DNAAF1: variants seen among roughly 807,000 people sequenced by gnomAD.
DNAAF1 encodes the protein dynein axonemal assembly factor 1, also known as dynein assembly factor 1, axonemal.
A neutral mutation model predicts 71.1 loss-of-function variants in DNAAF1; 65 were observed. The ratio of observed to expected loss-of-function variants is 0.91; its 90% CI spans 0.75 to 1.12. The LOEUF is 1.12. DNAAF1 is among the 50% of genes most tolerant of loss of function. The probability of loss-of-function intolerance (pLI) is 0.00; values close to 1 mark genes in which losing one functional copy is unlikely to be tolerated. For missense variants in DNAAF1, 1,178 were observed against 899.8 expected, an observed-to-expected ratio of 1.31 and a Z score of -3.96; for synonymous variants, 414 against 354.6, an observed-to-expected ratio of 1.17 and a Z score of -1.88.
At chr16:84,175,880 G>C (rs1010695150) in intron 10 of DNAAF1, 53 bp from the exon 11 acceptor site, 43 of 1,601,194 alleles carry the variant, frequency 2.7e-5, no homozygotes. Context: ...GCATTGTAGA[G>C]CGATTCTGTT....
intron 3 of DNAAF1, among the ~76,000 whole-genome samples, chr16:84,154,156 T>C (rs2151218993): frequency 6.6e-6 from 1 of 152,298 alleles, no homozygotes; most frequent in East Asian, 1.9e-4. Flanking sequence ...TGAGCTGCTG[T>C]AACAAGAAAC....
chr16:84,159,267 G>T (rs2087588299), intron 5 of DNAAF1: 4 of 1,109,550 alleles, frequency 3.6e-6, no homozygotes, highest in African/African-American at 3.3e-5. Flanking sequence ...CTGTCTAGCG[G>T]CTGTGTGCGT....
intron 6 of DNAAF1, among the ~76,000 whole-genome samples, chr16:84,163,138 C>G (rs1412434633): frequency 6.6e-6 from 1 of 152,086 alleles, no homozygotes; most frequent in African/African-American, 2.4e-5. Flanking sequence ...CACTTTTTGC[C>G]TGTTGTGAAT....
In DNAAF1 at chr16:84,166,744, A is replaced by C. The variant is rs543175201; in HGVS notation, c.1030+795A>C. 2.0e-5 allele frequency among the ~76,000 whole-genome samples: 3 copies of C among 152,312 alleles called. No homozygotes were observed. In the South Asian group the frequency reaches 6.2e-4, roughly 32 times the overall value. On this transcript the variant is annotated intron_variant, in intron 7 of 11. Transcript: ENST00000378553. Reference sequence around the variant, plus strand: ...CAGTTGGCCTCACCTACCTGCCAGCACCAGTGAGAACCTCAAACAGTGATG... The same window carrying C: ...CAGTTGGCCTCACCTACCTGCCAGCCCCAGTGAGAACCTCAAACAGTGATG...
At chr16:84,165,981 A>T in intron 7 of DNAAF1, 32 bp downstream of exon 7, 1 of 1,598,724 alleles carries the variant, frequency 6.3e-7, no homozygotes, top group Non-Finnish European at 8.5e-7. Context: ...ACAGCCCCAG[A>T]GTTCCTTTGA....
chr16:84,172,986 T>C lies in DNAAF1; in HGVS notation c.1644+611T>C, dbSNP rs2151274355. The C allele has an allele frequency of 6.0e-6, 6 of 996,280 alleles. No individual in the cohort carries two copies. In the South Asian group the frequency reaches 2.7e-4, roughly 44 times the overall value. 61.7% of individuals were successfully genotyped at this position (996,280 alleles called of 1,614,324 possible). On this transcript the variant is annotated intron_variant, in intron 9 of 11. Coordinates refer to ENST00000378553, the MANE Select transcript of DNAAF1 (RefSeq NM_178452.6). ...CCCACAAGAATGGTACCATGGGAAT[T>C]CACACATTGTCTCACAACCCCCCAA...
chr16:84,161,762 G>A (rs1055560125), intron 6 of DNAAF1, among the ~76,000 whole-genome samples: 1 of 151,804 alleles, frequency 6.6e-6, no homozygotes, highest in African/African-American at 2.4e-5. Context: ...CTGCTCATCT[G>A]TCGTTTTATT....
At chr16:84,157,876 G>A (rs564018432) in intron 5 of DNAAF1, among the ~76,000 whole-genome samples, 9 of 152,170 alleles carry the variant, frequency 5.9e-5, no homozygotes, top group African/African-American at 2.2e-4. Context: ...TTTTGGCTGG[G>A]GTTGCCATAA....
chr16:84,176,977 C>G (rs576033266), intron 11 of DNAAF1: 6 of 166,416 alleles, frequency 3.6e-5, no homozygotes, highest in Admixed American at 2.2e-4. Flanking sequence ...AACAAGCAAG[C>G]TGGGACTGTT....
chr16:84,145,626 C>A lies in DNAAF1; in HGVS notation c.124+62C>A, dbSNP rs1029220059. 120 of 1,525,746 alleles carry A rather than the reference C, an allele frequency of 7.9e-5. 1 individual carries two copies. Among genetic ancestry groups the A allele is most frequent in the Non-Finnish European group, 9.1e-5 (103 of 1,136,362 alleles). 94.5% of individuals were successfully genotyped at this position (1,525,746 alleles called of 1,614,324 possible). A position where few individuals can be genotyped will look rare whatever the true frequency, so the allele number is the denominator to read the frequency against. On this transcript the variant is annotated intron_variant, in intron 1 of 11. Transcript: ENST00000378553. The stretch of plus-strand genomic sequence containing the variant: ...GGCAGACACGGCTAGGCGCTCCAGC[C>A]CCCTTCCCACACCACATACCCGATC...
chr16:84,174,336 A>C (rs182629709), intron 9 of DNAAF1: 1 of 1,249,888 alleles, frequency 8.0e-7, no homozygotes. Flanking sequence ...GTTTGTACAG[A>C]GGTGCATTTG....
rs185767773 is a variant in DNAAF1, at chr16:84,166,019, C to T, written c.1030+70C>T. 1.7e-4 allele frequency: 266 copies of T among 1,561,220 alleles called. No homozygotes were observed. In the African/African-American group the frequency reaches 2.9e-3, roughly 17 times the overall value. ...TTAGGCAAGTCTAAGCTCTCAAACC[C>T]AGTCTTTAATCTTGGGAATTTTTTT... On this transcript the variant is annotated intron_variant, in intron 7 of 11. Transcript: ENST00000378553.
chr16:84,163,724 C>G (rs142467180), intron 6 of DNAAF1, among the ~76,000 whole-genome samples: 1 of 152,218 alleles, frequency 6.6e-6, no homozygotes, highest in East Asian at 1.9e-4. Context: ...AGTGGTGTCT[C>G]ATTGTGGTTT....
chr16:84,154,096 C>G (rs541102889), intron 3 of DNAAF1, among the ~76,000 whole-genome samples: 2 of 152,270 alleles, frequency 1.3e-5, no homozygotes, highest in East Asian at 3.9e-4. Flanking sequence ...AAAGTTGCTA[C>G]TGGAGGAAGG....
chr16:84,160,803 T>C (rs139699001), intron 6 of DNAAF1, among the ~76,000 whole-genome samples: 4,603 of 150,954 alleles, frequency 0.03, 199 homozygotes, highest in African/African-American at 0.11. Flanking sequence ...GGCGTGGTGG[T>C]GGGCGCCTGT....
intron 3 of DNAAF1, among the ~76,000 whole-genome samples, chr16:84,152,626 C>A (rs1017667178): frequency 7.7e-6 from 1 of 129,442 alleles, no homozygotes; most frequent in Non-Finnish European, 1.6e-5. Flanking sequence ...CCAGCCTAGG[C>A]GACAGAGCAA....
chr16:84,155,839 C>A, intron 5 of DNAAF1, 90 bp downstream of exon 5: 1 of 1,484,524 alleles, frequency 6.7e-7, no homozygotes, highest in Non-Finnish European at 9.2e-7. Context: ...TGTCTTTTCT[C>A]TCCTTCCTGC....
At position 84,159,403 on chromosome 16, in the gene DNAAF1, A is replaced by C. The variant is rs140708491; in HGVS notation, c.742-272A>C. Among the ~76,000 whole-genome samples, 7 of 152,318 alleles carry C rather than the reference A, an allele frequency of 4.6e-5. No homozygotes were observed. The East Asian group carries it at 1.4e-3, about 29-fold the overall frequency. ...CTGCACTCAGAAAAAGCCTCAGGAA[A>C]TGTTTTCCAGTATTGTTCTGGAGGG... is the stretch of plus-strand genomic sequence containing the variant. On this transcript the variant is annotated intron_variant, in intron 5 of 11. Coordinates refer to ENST00000378553, the MANE Select transcript of DNAAF1 (RefSeq NM_178452.6).
At chr16:84,148,876 C>T in intron 1 of DNAAF1, 131 bp from the exon 2 acceptor site, 1 of 1,072,476 alleles carries the variant, frequency 9.3e-7, no homozygotes, top group East Asian at 2.5e-5. Context: ...AGGCCTGAGC[C>T]ACCATACCCA....
Sources: allele counts gnomAD v4.1 joint callset (sites outside exome capture counted in the v4.1 genomes callset), GRCh38; gene constraint gnomAD v4.1.1; transcripts MANE v1.5; gene names NCBI Gene and HGNC (gene_info 2026-07-23, HGNC 2026-07-21).